PPM1B: variants seen among roughly 807,000 people sequenced by gnomAD.
PPM1B encodes protein phosphatase 1B.
PPM1B carries 22 observed loss-of-function variants against 43.0 expected under a neutral mutation model. The observed-to-expected ratio is 0.51, with a 90% CI of 0.37 to 0.73. The LOEUF (loss-of-function observed/expected upper bound fraction) is 0.73, where lower values mean the gene tolerates loss of function less well. PPM1B is among the 30% of genes least tolerant of loss of function. The pLI, the probability that PPM1B is intolerant of heterozygous loss-of-function variation, is 0.00. For synonymous variants in PPM1B, 217 were observed against 197.9 expected (o/e 1.10, Z -0.81); for missense variants, 632 against 584.2 (o/e 1.08, Z -0.84).
intron 1 of PPM1B, among the ~76,000 whole-genome samples, chr2:44,181,519 G>C (rs1667873981): frequency 6.6e-6 from 1 of 152,214 alleles, no homozygotes; most frequent in South Asian, 2.1e-4. Flanking sequence ...CTAGGAAGAA[G>C]TTAGATAATC....
In PPM1B at chr2:44,230,806, T is replaced by A. The variant is rs1219289996; in HGVS notation, c.*88T>A. 6.7e-7 allele frequency: 1 copy of A among 1,499,170 alleles called. No homozygotes were observed. The highest frequency in any genetic ancestry group is 1.4e-5 in the South Asian group (1 of 71,676). 92.9% of individuals were successfully genotyped at this position (1,499,170 alleles called of 1,614,324 possible). ...TGCATTTATATAACTGTTTTGTTAT[T>A]TGAATCTTGGAAAACTAGTTTTATT... On this transcript the variant is annotated 3_prime_UTR_variant, in exon 6 of 6. Coordinates refer to ENST00000282412, the MANE Select transcript of PPM1B (RefSeq NM_002706.6).
chr2:44,221,281 T>C (rs1212304936), intron 5 of PPM1B, among the ~76,000 whole-genome samples: 2 of 152,196 alleles, frequency 1.3e-5, no homozygotes, highest in Non-Finnish European at 2.9e-5. Flanking sequence ...TGGGGAAATA[T>C]TATATGCCTT....
chr2:44,211,454 T>G (rs1288118724), intron 3 of PPM1B, among the ~76,000 whole-genome samples: 1 of 152,216 alleles, frequency 6.6e-6, no homozygotes, highest in Non-Finnish European at 1.5e-5. Context: ...TGATTCTAGA[T>G]TCTTCTCAGT....
chr2:44,234,953 G>A (rs780495088), downstream of PPM1B, among the ~76,000 whole-genome samples: 5 of 152,102 alleles, frequency 3.3e-5, no homozygotes, highest in Non-Finnish European at 5.9e-5. Flanking sequence ...GTGCTTTTGC[G>A]TTCAGTCTGT....
chr2:44,222,460 G>A (rs1266371791), intron 5 of PPM1B, among the ~76,000 whole-genome samples: 1 of 152,172 alleles, frequency 6.6e-6, no homozygotes, highest in Non-Finnish European at 1.5e-5. Context: ...GAATTAGTAT[G>A]CCACTGATCA....
chr2:44,193,870 T>G (rs1432934297), intron 1 of PPM1B, among the ~76,000 whole-genome samples: 1 of 152,082 alleles, frequency 6.6e-6, no homozygotes, highest in Admixed American at 6.5e-5. Context: ...TGAGCCACTG[T>G]GCCCAGCATA....
At chr2:44,222,376 G>A (rs1250071995) in intron 5 of PPM1B, among the ~76,000 whole-genome samples, 1 of 152,194 alleles carries the variant, frequency 6.6e-6, no homozygotes, top group Non-Finnish European at 1.5e-5. Context: ...TAATTGGTAT[G>A]AAAGTCTGTA....
chr2:44,216,629 T>C (rs1022054502), intron 3 of PPM1B, among the ~76,000 whole-genome samples: 5 of 152,146 alleles, frequency 3.3e-5, no homozygotes, highest in African/African-American at 9.7e-5. Flanking sequence ...ACCTCAAGGA[T>C]GAAAATAGGC....
At position 44,217,953 on chromosome 2, in the gene PPM1B, T is replaced by A. The variant is rs751040481; in HGVS notation, c.965-14T>A. 1.2e-4 allele frequency: 186 copies of A among 1,556,456 alleles called. No individual in the cohort carries two copies. The highest frequency in any genetic ancestry group is 8.6e-4 in the Middle Eastern group (5 of 5,824). On this transcript the variant is annotated splice_polypyrimidine_tract_variant and intron_variant, in intron 3 of 5. Transcript: ENST00000282412. Reference sequence around the variant, plus strand: ...ATCACATTAATTTAGGAACTTTTTTTAAAAAACCTACAGAGATTATGGAGA... The same window carrying A: ...ATCACATTAATTTAGGAACTTTTTTAAAAAAACCTACAGAGATTATGGAGA...
intron 1 of PPM1B, among the ~76,000 whole-genome samples, chr2:44,187,277 T>C (rs886249958): frequency 3.9e-5 from 6 of 152,240 alleles, no homozygotes; most frequent in African/African-American, 1.4e-4. Flanking sequence ...ATTCATTCTG[T>C]GTATATACTA....
intron 1 of PPM1B, among the ~76,000 whole-genome samples, chr2:44,193,107 A>G (rs1668485451): frequency 6.6e-6 from 1 of 152,256 alleles, no homozygotes; most frequent in South Asian, 2.1e-4. Flanking sequence ...TTGCTGGATC[A>G]TATGGTAATT....
intron 1 of PPM1B, among the ~76,000 whole-genome samples, chr2:44,187,302 A>G (rs561209089): frequency 6.6e-6 from 1 of 152,002 alleles, no homozygotes. Flanking sequence ...TTGTTTATCC[A>G]TTCGTTTGTC....
intron 5 of PPM1B, among the ~76,000 whole-genome samples, chr2:44,220,667 A>G (rs1411952004): frequency 2.0e-5 from 3 of 152,214 alleles, no homozygotes; most frequent in African/African-American, 7.2e-5. Context: ...CTGTAGTTAT[A>G]AACACACCTT....
At chr2:44,219,296 A>G (rs1278162133) in intron 5 of PPM1B, 5 of 151,746 alleles carry the variant, frequency 3.3e-5, no homozygotes, top group Non-Finnish European at 7.3e-5. Context: ...TTTTTAATAT[A>G]TATGCTTCAA....
At chr2:44,221,071 C>G (rs183875992) in intron 5 of PPM1B, among the ~76,000 whole-genome samples, 1 of 151,810 alleles carries the variant, frequency 6.6e-6, no homozygotes, top group Admixed American at 6.6e-5. Flanking sequence ...ATGATAGATT[C>G]AAAAAAATAT....
At chr2:44,195,377 T>G (rs1463668541) in intron 1 of PPM1B, among the ~76,000 whole-genome samples, 4 of 151,988 alleles carry the variant, frequency 2.6e-5, no homozygotes, top group African/African-American at 9.7e-5. Flanking sequence ...CTAATATTTT[T>G]CCCCAATTTT....
rs1014767864 is a variant in PPM1B, at chr2:44,230,954, A to G, written c.*236A>G. On this transcript the variant is annotated 3_prime_UTR_variant, in exon 6 of 6. Transcript: ENST00000282412. ...TATATGTCATTTCACATTGTATGCC[A>G]GAAATTAGGCTACCAATTATGAATT... The G allele has an allele frequency of 9.0e-7, 1 of 1,113,892 alleles. No homozygotes were observed. Among genetic ancestry groups the G allele is most frequent in the Non-Finnish European group, 1.1e-6 (1 of 897,432 alleles). The allele number at this position is 1,113,892 out of a possible 1,614,324, so 69.0% of individuals were successfully genotyped here. A position where few individuals can be genotyped will look rare whatever the true frequency, so the allele number is the denominator to read the frequency against.
chr2:44,234,595 A>G, downstream of PPM1B: 1 of 985,282 alleles, frequency 1.0e-6, no homozygotes, highest in Non-Finnish European at 1.2e-6. Context: ...AAACAGAAAT[A>G]ATGTATGAGT....
intron 5 of PPM1B, among the ~76,000 whole-genome samples, chr2:44,241,119 TCA>T (rs1670735684): frequency 7.0e-6 from 1 of 143,756 alleles, no homozygotes; most frequent in African/African-American, 2.5e-5. Context: ...TTCTCCTGCC[TCA>T]GCGTCCCAAG....
Sources: allele counts gnomAD v4.1 joint callset (sites outside exome capture counted in the v4.1 genomes callset), GRCh38; gene constraint gnomAD v4.1.1; transcripts MANE v1.5; gene names NCBI Gene and HGNC (gene_info 2026-07-23, HGNC 2026-07-21).